The following SLC4A3 variants were observed in gnomAD, a reference collection of about 807,000 sequenced individuals.
SLC4A3 encodes the protein solute carrier family 4 member 3, also known as anion exchange protein 3.
SLC4A3 carries 47 observed loss-of-function variants against 114.2 expected under a neutral mutation model. The observed-to-expected ratio is 0.41, with a 90% CI of 0.33 to 0.52. The LOEUF (loss-of-function observed/expected upper bound fraction) is 0.52, where lower values mean the gene tolerates loss of function less well. SLC4A3 is among the 20% of genes least tolerant of loss of function. The probability of loss-of-function intolerance (pLI) is 0.21; values close to 1 mark genes in which losing one functional copy is unlikely to be tolerated. For synonymous variants in SLC4A3, 693 were observed against 710.3 expected (o/e 0.98, Z 0.39); for missense variants, 1,312 against 1,668.3 (o/e 0.79, Z 3.72).
At position 219,628,022 on chromosome 2, in the gene SLC4A3, G is replaced by A; in HGVS notation, c.30G>A (p.Gly10=). The change falls in exon 2 of 23, where the codon GGG becomes GGA. Residue 10 remains glycine, a synonymous_variant. Coordinates refer to ENST00000358055, the MANE Select transcript of SLC4A3 (RefSeq NM_005070.4). The surrounding 1 kb of genome is among the most constrained non-coding windows in gnomAD (Gnocchi z 4.8). MANGVIPPP[G]GASPLPQVRV... ...CCAACGGAGTGATCCCGCCGCCCGG[G>A]GGCGCCTCCCCCCTACCCCAGGTGA... 6.3e-7 allele frequency: 1 copy of A among 1,588,056 alleles called. No homozygotes were observed. Among genetic ancestry groups the A allele is most frequent in the Non-Finnish European group, 8.6e-7 (1 of 1,169,510 alleles).
In SLC4A3 at chr2:219,636,164, G is replaced by C; in HGVS notation, c.2192-138G>C. The C allele has an allele frequency of 5.1e-6, 5 of 972,948 alleles. No homozygotes were observed. The highest frequency in any genetic ancestry group is 7.8e-6 in the Non-Finnish European group (5 of 639,854). The allele number at this position is 972,948 out of a possible 1,614,324, so 60.3% of individuals were successfully genotyped here. On this transcript the variant is annotated intron_variant, in intron 14 of 22. Coordinates refer to ENST00000358055, the MANE Select transcript of SLC4A3 (RefSeq NM_005070.4). The surrounding 1 kb of genome is among the most constrained non-coding windows in gnomAD (Gnocchi z 5.5). Reference sequence around the variant, plus strand: ...TAGTGGGGAGGGTTTGGGAGCAATGGGGTATGGAAGGGGCCCTGTGTGTCA... The same window carrying C: ...TAGTGGGGAGGGTTTGGGAGCAATGCGGTATGGAAGGGGCCCTGTGTGTCA...
chr2:219,633,892 A>G lies in SLC4A3; in HGVS notation c.1474A>G (p.Met492Val), dbSNP rs1699027171. Residue 492 changes from methionine to valine, a missense_variant, in exon 11 of 23, where the codon ATG becomes GTG. By Grantham distance (21) the Met-to-Val change is conservative (BLOSUM62 1). This residue lies in a region of SLC4A3 where 771 missense variants were observed against 977.7 expected (regional missense o/e 0.79). Transcript: ENST00000358055. ...DPDAKEKPLH[M>V]PGGDGHRGKS... is the part of the protein sequence containing the mutation. Reference sequence around the variant, plus strand: ...TCTGCGTCCTCAGAAGCCCCTCCACATGCCTGGGGGAGATGGTCACCGGGG... The same window carrying G: ...TCTGCGTCCTCAGAAGCCCCTCCACGTGCCTGGGGGAGATGGTCACCGGGG... 1.3e-6 allele frequency: 2 copies of G among 1,558,454 alleles called. No individual in the cohort carries two copies. Among genetic ancestry groups the G allele is most frequent in the Non-Finnish European group, 1.7e-6 (2 of 1,150,516 alleles).
chr2:219,629,891 G>A (rs1460840295), intron 5 of SLC4A3, among the ~76,000 whole-genome samples, 196 bp downstream of exon 5: 12 of 140,344 alleles, frequency 8.6e-5, no homozygotes, highest in Non-Finnish European at 1.6e-4. Context: ...AAGGGGGGGG[G>A]GAGAAAAACA....
Position 219,637,626 on chromosome 2 carries a change from G to A in SLC4A3, c.2581G>A (p.Ala861Thr), listed in dbSNP as rs1050271986. 6.2e-6 allele frequency: 10 copies of A among 1,612,422 alleles called. No individual in the cohort carries two copies. The highest frequency in any genetic ancestry group is 1.7e-4 in the Middle Eastern group (1 of 6,050). Residue 861 changes from alanine to threonine, a missense_variant, in exon 17 of 23, where the codon GCC becomes ACC. Transcript: ENST00000358055. This position sits in a 1 kb window ranked among gnomAD's most constrained non-coding sequence, Gnocchi z 4.6. ...GCTGCCGTTCTACCCCCCTGAGGGG[G>A]CCCTGGAGGGGTCCCTGGATGCTGG... ...PLLPFYPPEGALEGSLDAGLE... is the reference protein window; with the variant it reads ...PLLPFYPPEGTLEGSLDAGLE...
rs372187487 is a variant in SLC4A3, at chr2:219,640,796, C to T, written c.3455C>T (p.Thr1152Met). 102 of 1,611,162 alleles carry T rather than the reference C, an allele frequency of 6.3e-5. No homozygotes were observed. Among genetic ancestry groups the T allele is most frequent in the African/African-American group, 1.7e-4 (13 of 74,864 alleles). The change falls in exon 22 of 23, where the codon ACG (threonine) becomes ATG (methionine). Residue 1152 changes from threonine (T) to methionine (M), a missense_variant. Coordinates refer to ENST00000358055, the MANE Select transcript of SLC4A3 (RefSeq NM_005070.4). Reference protein sequence around the residue: ...PEQPYVTKVKTWRMHLFTCIQ... With the variant: ...PEQPYVTKVKMWRMHLFTCIQ... The stretch of plus-strand genomic sequence containing the variant: ...CACTGGCTGCTCCCCTAGGTGAAGA[C>T]GTGGCGGATGCATCTGTTCACCTGC...
At chr2:219,634,739 G>T in intron 12 of SLC4A3, 135 bp downstream of exon 12, 11 of 938,660 alleles carry the variant, frequency 1.2e-5, no homozygotes, top group Non-Finnish European at 1.7e-5. Context: ...GGAGGGTGGT[G>T]GGGGGAGCTG....
rs547004334 is a variant in SLC4A3, at chr2:219,633,071, C to G, written c.1277+62C>G. ...TCAGCTGCCCTTCCAGGAGCACATCCTCTTCCAAGTGGCTCCCAGCCTCTG... is the reference window on the plus strand; with the variant it reads ...TCAGCTGCCCTTCCAGGAGCACATCGTCTTCCAAGTGGCTCCCAGCCTCTG... On this transcript the variant is annotated intron_variant, in intron 9 of 22. Transcript: ENST00000358055. The G allele has an allele frequency of 2.2e-4, 344 of 1,586,236 alleles. No individual in the cohort carries two copies. In the African/African-American group the frequency reaches 4.0e-3, roughly 18 times the overall value.
In SLC4A3 at chr2:219,628,425, G is replaced by C. The variant is rs1317297800; in HGVS notation, c.72G>C (p.Glu24Asp). The change falls in exon 3 of 23, where the codon GAG becomes GAC. Residue 24 changes from glutamate (E) to aspartate (D), a missense_variant. Around this residue, in one of 4 missense-constraint regions of SLC4A3, gnomAD observed 236 missense variants for 212.1 expected, o/e 1.11. Coordinates refer to ENST00000358055, the MANE Select transcript of SLC4A3 (RefSeq NM_005070.4). The surrounding 1 kb of genome is among the most constrained non-coding windows in gnomAD (Gnocchi z 4.8). The stretch of plus-strand genomic sequence containing the variant: ...TGCAGGTCCGGGTGCCCTTGGAGGA[G>C]CCCCCTCTAAGTCCAGACGTGGAGG... ...PLPQVRVPLE[E>D]PPLSPDVEEE... is the part of the protein sequence containing the mutation. 6.2e-7 allele frequency: 1 copy of C among 1,612,688 alleles called. No homozygotes were observed. Among genetic ancestry groups the C allele is most frequent in the African/African-American group, 1.3e-5 (1 of 74,832 alleles).
chr2:219,638,328 G>T lies in SLC4A3; in HGVS notation c.2856+75G>T. The T allele has an allele frequency of 8.4e-7, 1 of 1,190,302 alleles. No homozygotes were observed. The highest frequency in any genetic ancestry group is 1.2e-6 in the Non-Finnish European group (1 of 817,536). The allele number at this position is 1,190,302 out of a possible 1,614,324, so 73.7% of individuals were successfully genotyped here. On this transcript the variant is annotated intron_variant, in intron 18 of 22. Coordinates refer to ENST00000358055, the MANE Select transcript of SLC4A3 (RefSeq NM_005070.4). The surrounding 1 kb of genome is among the most constrained non-coding windows in gnomAD (Gnocchi z 7.5). ...AGGGAGCCCACAACACACTTCCATG[G>T]GCCCTGGGATTGGGATCAGGCCTGA...
At position 219,634,325 on chromosome 2, in the gene SLC4A3, T is replaced by C. The variant is rs959090436; in HGVS notation, c.1562-95T>C. On this transcript the variant is annotated intron_variant, in intron 11 of 22. Transcript: ENST00000358055. ...GGGTTTCTTTGCGCAGTTTACAACC[T>C]GCTCAACTGTCCATGATAGCCCTAG... 74 of 1,262,926 alleles carry C rather than the reference T, an allele frequency of 5.9e-5. No homozygotes were observed. In the African/African-American group the frequency reaches 9.1e-4, roughly 16 times the overall value. 78.2% of individuals were successfully genotyped at this position (1,262,926 alleles called of 1,614,324 possible). A position where few individuals can be genotyped will look rare whatever the true frequency, so the allele number is the denominator to read the frequency against.
chr2:219,631,911 G>T lies in SLC4A3; in HGVS notation c.812-57G>T. ...TGGGTTGGGCAGAAGGAGCTGGGCC[G>T]TGACCCCGAGGGCCCCAGCTGGACC... On this transcript the variant is annotated intron_variant, in intron 6 of 22. Transcript: ENST00000358055. This position sits in a 1 kb window ranked among gnomAD's most constrained non-coding sequence, Gnocchi z 6.3. 1 of 1,526,018 alleles carries T rather than the reference G, an allele frequency of 6.6e-7. No homozygotes were observed. The highest frequency in any genetic ancestry group is 1.4e-5 in the African/African-American group (1 of 71,894). The allele number at this position is 1,526,018 out of a possible 1,614,324, so 94.5% of individuals were successfully genotyped here.
Position 219,641,697 on chromosome 2 carries a change from A to G in SLC4A3, c.3668A>G (p.Asp1223Gly), listed in dbSNP as rs1699332411. The change falls in exon 23 of 23, where the codon GAT (aspartate) becomes GGT (glycine). Residue 1223 changes from aspartate to glycine, a missense_variant. By Grantham distance (94) the Asp-to-Gly change is moderately conservative (BLOSUM62 -1). Around this residue, in one of 4 missense-constraint regions of SLC4A3, gnomAD observed 4 missense variants for 17.8 expected, o/e 0.22. Coordinates refer to ENST00000358055, the MANE Select transcript of SLC4A3 (RefSeq NM_005070.4). The surrounding 1 kb of genome is among the most constrained non-coding windows in gnomAD (Gnocchi z 4.0). ...AEPNFDEDGQDEYNELHMPV is the reference protein window; with the variant it reads ...AEPNFDEDGQGEYNELHMPV ...CCAAACTTCGATGAGGATGGCCAGGATGAGTACAATGAGCTGCACATGCCA... is the reference window on the plus strand; with the variant it reads ...CCAAACTTCGATGAGGATGGCCAGGGTGAGTACAATGAGCTGCACATGCCA... 6.2e-7 allele frequency: 1 copy of G among 1,613,944 alleles called. No homozygotes were observed. The highest frequency in any genetic ancestry group is 1.3e-5 in the African/African-American group (1 of 74,900).
In SLC4A3 at chr2:219,641,750, A is replaced by G. The variant is rs1699334090; in HGVS notation, c.*22A>G. The G allele has an allele frequency of 6.3e-7, 1 of 1,595,840 alleles. No individual in the cohort carries two copies. The stretch of plus-strand genomic sequence containing the variant: ...GTGACCCTTGAAGACAGTGCCCCTC[A>G]GAGACCCCAAGACCTTAGGGATTGA... On this transcript the variant is annotated 3_prime_UTR_variant, in exon 23 of 23. Transcript: ENST00000358055. The surrounding 1 kb of genome is among the most constrained non-coding windows in gnomAD (Gnocchi z 4.0).
intron 13 of SLC4A3, 66 bp downstream of exon 13, chr2:219,635,562 A>C (rs1574653113): frequency 6.7e-7 from 1 of 1,496,152 alleles, no homozygotes; most frequent in Non-Finnish European, 9.1e-7. Context: ...TAAGGCTGTG[A>C]CCCCAGCCCC....
In SLC4A3 at chr2:219,639,823, C is replaced by T. The variant is rs946524881; in HGVS notation, c.3277+88C>T. 2.4e-5 allele frequency: 36 copies of T among 1,516,460 alleles called. No individual in the cohort carries two copies. The highest frequency in any genetic ancestry group is 3.1e-5 in the Non-Finnish European group (35 of 1,125,808). 93.9% of individuals were successfully genotyped at this position (1,516,460 alleles called of 1,614,324 possible). A position where few individuals can be genotyped will look rare whatever the true frequency, so the allele number is the denominator to read the frequency against. ...TATCCCAGGCTTGACCCTGAATCTC[C>T]CAATGTGCTGTGTGTTGCCCTCAAT... On this transcript the variant is annotated intron_variant, in intron 20 of 22. Transcript: ENST00000358055. This position sits in a 1 kb window ranked among gnomAD's most constrained non-coding sequence, Gnocchi z 5.9.
chr2:219,639,400 T>C lies in SLC4A3; in HGVS notation c.3024-82T>C. ...TTGTCTGCACGTCCTCCCCCCACCA[T>C]CTCGTCTCTGTGTGCGTGCCTGTCT... On this transcript the variant is annotated intron_variant, in intron 19 of 22. Coordinates refer to ENST00000358055, the MANE Select transcript of SLC4A3 (RefSeq NM_005070.4). This position sits in a 1 kb window ranked among gnomAD's most constrained non-coding sequence, Gnocchi z 5.9. The C allele has an allele frequency of 6.6e-7, 1 of 1,508,142 alleles. No individual in the cohort carries two copies. Among genetic ancestry groups the C allele is most frequent in the Non-Finnish European group, 9.0e-7 (1 of 1,108,676 alleles). 93.4% of individuals were successfully genotyped at this position (1,508,142 alleles called of 1,614,324 possible). A position where few individuals can be genotyped will look rare whatever the true frequency, so the allele number is the denominator to read the frequency against.
In SLC4A3 at chr2:219,639,416, G is replaced by T. The variant is rs550725232; in HGVS notation, c.3024-66G>T. The T allele has an allele frequency of 1.9e-5, 30 of 1,561,996 alleles. No homozygotes were observed. The African/African-American group carries it at 2.0e-4, about 11-fold the overall frequency. On this transcript the variant is annotated intron_variant, in intron 19 of 22. Transcript: ENST00000358055. This position sits in a 1 kb window ranked among gnomAD's most constrained non-coding sequence, Gnocchi z 5.9. ...CCCCCACCATCTCGTCTCTGTGTGC[G>T]TGCCTGTCTTTGTCCCCTGCCCCTG...
Position 219,635,830 on chromosome 2 carries a change from C to T in SLC4A3, c.2130C>T (p.Ala710=), listed in dbSNP as rs779177986. ...LRDALHSQCV[A]AVLFIYFAAL... is the part of the protein sequence containing the mutation. Reference sequence around the variant, plus strand: ...ATGCGCTGCACTCCCAGTGTGTGGCCGCTGTGCTCTTCATCTACTTCGCAG... The same window carrying T: ...ATGCGCTGCACTCCCAGTGTGTGGCTGCTGTGCTCTTCATCTACTTCGCAG... The change falls in exon 14 of 23, where the codon GCC becomes GCT. Residue 710 remains alanine, a synonymous_variant. Coordinates refer to ENST00000358055, the MANE Select transcript of SLC4A3 (RefSeq NM_005070.4). 1.8e-5 allele frequency: 28 copies of T among 1,586,002 alleles called. No homozygotes were observed. In the African/African-American group the frequency reaches 2.8e-4, roughly 16 times the overall value.
Position 219,632,248 on chromosome 2 carries a change from G to T in SLC4A3, c.961-14G>T. On this transcript the variant is annotated splice_polypyrimidine_tract_variant and intron_variant, in intron 7 of 22. Transcript: ENST00000358055. ...TGTTGGCCCCTGGGCCCTCACCTTT[G>T]GCACGCCCCCCAGGTGTTCGTGGAG... The T allele has an allele frequency of 1.2e-6, 2 of 1,613,856 alleles. No individual in the cohort carries two copies. The highest frequency in any genetic ancestry group is 2.7e-5 in the African/African-American group (2 of 75,060).
Sources: gnomAD v4.1 joint callset for allele counts (sites outside exome capture counted in the v4.1 genomes callset) on GRCh38, gnomAD v4.1.1 for gene constraint, gnomAD v4.1.1 regional missense constraint, Gnocchi (gnomAD v3.1) non-coding constraint, MANE v1.5 for transcripts, NCBI Gene and HGNC (gene_info 2026-07-23, HGNC 2026-07-21) for gene names.